The following ARRDC4 variants were observed in gnomAD, a reference collection of about 807,000 sequenced individuals.
ARRDC4 encodes arrestin domain containing 4.
Under a neutral mutation model 44.6 loss-of-function variants are expected in ARRDC4, and 40 were observed. The ratio of observed to expected loss-of-function variants is 0.90; its 90% CI spans 0.70 to 1.17. The LOEUF is 1.17. Among genes scored for constraint, ARRDC4 ranks in the 50% most tolerant of loss-of-function variants. The probability of loss-of-function intolerance (pLI) is 0.00; values close to 1 mark genes in which losing one functional copy is unlikely to be tolerated. For synonymous variants in ARRDC4, 211 were observed against 221.2 expected (o/e 0.95, Z 0.41); for missense variants, 550 against 559.1 (o/e 0.98, Z 0.16).
Position 97,969,191 on chromosome 15 carries a change from A to G in ARRDC4, c.694A>G (p.Ile232Val). ...SSRLIVPKAA[I>V]FQTQTYLASG... is the part of the protein sequence containing the mutation. ...TCGTCTGATTGTTCCAAAGGCTGCT[A>G]TTTTCCAAACGCAGACATATTTGGC... The change falls in exon 5 of 8, where the codon ATT becomes GTT. Residue 232 changes from isoleucine (I) to valine (V), a missense_variant. Physicochemically the swap from Ile to Val is conservative, Grantham distance 29. Transcript: ENST00000268042. The G allele has an allele frequency of 1.9e-6, 3 of 1,613,862 alleles. No individual in the cohort carries two copies. The highest frequency in any genetic ancestry group is 1.7e-6 in the Non-Finnish European group (2 of 1,179,860).
At position 97,971,328 on chromosome 15, in the gene ARRDC4, T is replaced by C. The variant is rs1455346178; in HGVS notation, c.*141T>C. ...ACTGAAGGCAATAGAAATTAAAGAA[T>C]GTGAGAAAGTTCTGGTGGGCCGGCA... On this transcript the variant is annotated 3_prime_UTR_variant, in exon 8 of 8. Transcript: ENST00000268042. 5.9e-6 allele frequency: 5 copies of C among 842,276 alleles called. No homozygotes were observed. The highest frequency in any genetic ancestry group is 5.0e-5 in the South Asian group (3 of 60,266). The allele number at this position is 842,276 out of a possible 1,614,324, so 52.2% of individuals were successfully genotyped here.
In ARRDC4 at chr15:97,972,441, A is replaced by G. The variant is rs1016929299; in HGVS notation, c.*1254A>G. On this transcript the variant is annotated 3_prime_UTR_variant, in exon 8 of 8. Coordinates refer to ENST00000268042, the MANE Select transcript of ARRDC4 (RefSeq NM_183376.3). This position sits in a 1 kb window ranked among gnomAD's most constrained non-coding sequence, Gnocchi z 5.3. ...TTGGTGCAATATTTTATTATCATTT[A>G]ACCTCAGGATATTCAGACCAACAGG... 1.3e-5 allele frequency: 2 copies of G among 152,578 alleles called. No homozygotes were observed. Among genetic ancestry groups the G allele is most frequent in the African/African-American group, 4.8e-5 (2 of 41,418 alleles). The allele number at this position is 152,578 out of a possible 1,614,324, so 9.5% of individuals were successfully genotyped here.
rs1899544066 is a variant in ARRDC4, at chr15:97,973,175, T to TA, written c.*1989dup. ...GCCAAGGCATTGTTCGACTCCATGA[T>TA]ACTAAAACATAATGAAAGAAACAAA... On this transcript the variant is annotated 3_prime_UTR_variant, in exon 8 of 8. Coordinates refer to ENST00000268042, the MANE Select transcript of ARRDC4 (RefSeq NM_183376.3). The TA allele has an allele frequency of 6.6e-6, 1 of 152,386 alleles. No homozygotes were observed. Among genetic ancestry groups the TA allele is most frequent in the Admixed American group, 6.5e-5 (1 of 15,286 alleles). 9.4% of individuals were successfully genotyped at this position (152,386 alleles called of 1,614,324 possible).
At position 97,971,192 on chromosome 15, in the gene ARRDC4, A is replaced by G; in HGVS notation, c.*5A>G. ...CCTGTTTCCTTCATTCTCTGAACGT[A>G]TTTCAGAAATCACTGTGTTCATCAT... On this transcript the variant is annotated 3_prime_UTR_variant, in exon 8 of 8. Transcript: ENST00000268042. 1.2e-6 allele frequency: 2 copies of G among 1,612,072 alleles called. No individual in the cohort carries two copies. Among genetic ancestry groups the G allele is most frequent in the Non-Finnish European group, 1.7e-6 (2 of 1,178,298 alleles).
In ARRDC4 at chr15:97,969,176, G is replaced by T; in HGVS notation, c.679G>T (p.Val227Phe). Reference protein sequence around the residue: ...EIENCSSRLIVPKAAIFQTQT... With the variant: ...EIENCSSRLIFPKAAIFQTQT... ...AGAAAATTGTTCCTCTCGTCTGATT[G>T]TTCCAAAGGCTGCTATTTTCCAAAC... Residue 227 changes from valine (V) to phenylalanine (F), a missense_variant, in exon 5 of 8, where the codon GTT becomes TTT. Coordinates refer to ENST00000268042, the MANE Select transcript of ARRDC4 (RefSeq NM_183376.3). The T allele has an allele frequency of 6.2e-7, 1 of 1,613,838 alleles. No homozygotes were observed. The highest frequency in any genetic ancestry group is 1.3e-5 in the African/African-American group (1 of 75,008).
intron 1 of ARRDC4, among the ~76,000 whole-genome samples, chr15:97,962,848 C>T (rs961134519): frequency 1.3e-5 from 2 of 152,164 alleles, no homozygotes; most frequent in African/African-American, 2.4e-5. Context: ...AATTTAATTA[C>T]AAAACCTGGC....
At position 97,967,294 on chromosome 15, in the gene ARRDC4, TAAAAA is replaced by T. The variant is rs139424082; in HGVS notation, c.523-714_523-710del. Among the ~76,000 whole-genome samples, 1 of 150,178 alleles carries T rather than the reference TAAAAA, an allele frequency of 6.7e-6. No homozygotes were observed. Among genetic ancestry groups the T allele is most frequent in the Non-Finnish European group, 1.5e-5 (1 of 67,384 alleles). On this transcript the variant is annotated intron_variant, in intron 3 of 7. Transcript: ENST00000268042. The surrounding 1 kb of genome is among the most constrained non-coding windows in gnomAD (Gnocchi z 5.0). ...GATCCCTTACGATTCTTTATATAAA[TAAAAA>T]AAAAATATTGCAAGTAACTGGGTTT...
Position 97,960,870 on chromosome 15 carries a change from G to C in ARRDC4, c.9G>C (p.Gly3=), listed in dbSNP as rs4965046. 0.77 allele frequency: 1,051,148 copies of C among 1,368,442 alleles called. 405,796 individuals carry two copies. The highest frequency in any genetic ancestry group is 0.92 in the East Asian group (29,454 of 32,078). The allele number at this position is 1,368,442 out of a possible 1,614,324, so 84.8% of individuals were successfully genotyped here. The change falls in exon 1 of 8, where the codon GGG becomes GGC. Residue 3 remains glycine, a synonymous_variant. Coordinates refer to ENST00000268042, the MANE Select transcript of ARRDC4 (RefSeq NM_183376.3). Reference sequence around the variant, plus strand: ...AAGAGTCGCCCGGCGGGATGGGCGGGGAGGCTGGGTGCGCGGCGGCCGTGG... The same window carrying C: ...AAGAGTCGCCCGGCGGGATGGGCGGCGAGGCTGGGTGCGCGGCGGCCGTGG... The part of the protein sequence containing the change: MG[G]EAGCAAAVGA...
chr15:97,966,188 C>T lies in ARRDC4; in HGVS notation c.522+146C>T. On this transcript the variant is annotated intron_variant, in intron 3 of 7. Coordinates refer to ENST00000268042, the MANE Select transcript of ARRDC4 (RefSeq NM_183376.3). This position sits in a 1 kb window ranked among gnomAD's most constrained non-coding sequence, Gnocchi z 4.7. ...GGCTTGGAAAACACAATCTTGTAAC[C>T]CAAAGGCATTCACTATAAATATATG... 1.1e-6 allele frequency: 1 copy of T among 908,572 alleles called. No individual in the cohort carries two copies. The highest frequency in any genetic ancestry group is 2.8e-5 in the Admixed American group (1 of 35,812). 56.3% of individuals were successfully genotyped at this position (908,572 alleles called of 1,614,324 possible).
chr15:97,969,397 T>C lies in ARRDC4; in HGVS notation c.882+18T>C. The C allele has an allele frequency of 6.3e-7, 1 of 1,597,726 alleles. No individual in the cohort carries two copies. Among genetic ancestry groups the C allele is most frequent in the Non-Finnish European group, 8.6e-7 (1 of 1,169,010 alleles). ...CCTTAGCTGTAAGCAAAGCTCTTTT[T>C]TAAAAAAAAATGTGTATGATGGACA... On this transcript the variant is annotated intron_variant, in intron 5 of 7. Coordinates refer to ENST00000268042, the MANE Select transcript of ARRDC4 (RefSeq NM_183376.3).
In ARRDC4 at chr15:97,966,250, A is replaced by G. The variant is rs546726215; in HGVS notation, c.522+208A>G. ...GACAAATTACAAATTGTGTGTGTTAATACTATTGATTATGTCCCTGCTGTT... is the reference window on the plus strand; with the variant it reads ...GACAAATTACAAATTGTGTGTGTTAGTACTATTGATTATGTCCCTGCTGTT... On this transcript the variant is annotated intron_variant, in intron 3 of 7. Coordinates refer to ENST00000268042, the MANE Select transcript of ARRDC4 (RefSeq NM_183376.3). This position sits in a 1 kb window ranked among gnomAD's most constrained non-coding sequence, Gnocchi z 4.7. 5.9e-5 allele frequency among the ~76,000 whole-genome samples: 9 copies of G among 152,306 alleles called. No homozygotes were observed. Among genetic ancestry groups the G allele is most frequent in the African/African-American group, 2.2e-4 (9 of 41,552 alleles).
intron 1 of ARRDC4, 51 bp downstream of exon 1, chr15:97,961,219 G>GA (rs1037647866): frequency 4.5e-6 from 6 of 1,343,630 alleles, no homozygotes; most frequent in Non-Finnish European, 5.7e-6. Flanking sequence ...CGGGGCCGGG[G>GA]AGGGGCTGGG....
In ARRDC4 at chr15:97,970,945, T is replaced by C. The variant is rs80061417; in HGVS notation, c.1201-186T>C. Reference sequence around the variant, plus strand: ...TGTCCTTGTGATCTATGGCATCAGATACAGTATTGTGGATTGCCTTTAAGG... The same window carrying C: ...TGTCCTTGTGATCTATGGCATCAGACACAGTATTGTGGATTGCCTTTAAGG... On this transcript the variant is annotated intron_variant, in intron 7 of 7. Transcript: ENST00000268042. This position sits in a 1 kb window ranked among gnomAD's most constrained non-coding sequence, Gnocchi z 4.2. 0.076 allele frequency among the ~76,000 whole-genome samples: 11,621 copies of C among 152,146 alleles called. 963 individuals carry two copies. Among genetic ancestry groups the C allele is most frequent in the African/African-American group, 0.21 (8,844 of 41,454 alleles).
Position 97,961,311 on chromosome 15 carries a change from G to A in ARRDC4, c.307+143G>A, listed in dbSNP as rs919678108. The A allele has an allele frequency of 2.6e-5, 20 of 764,834 alleles. No individual in the cohort carries two copies. The South Asian group carries it at 8.4e-4, about 32-fold the overall frequency. 47.4% of individuals were successfully genotyped at this position (764,834 alleles called of 1,614,324 possible). A position where few individuals can be genotyped will look rare whatever the true frequency, so the allele number is the denominator to read the frequency against. Reference sequence around the variant, plus strand: ...GGGTGGGGTCCGGCCTACCCTCGCGGGTAAGGAGAGACCGCAAGTCCTGGG... The same window carrying A: ...GGGTGGGGTCCGGCCTACCCTCGCGAGTAAGGAGAGACCGCAAGTCCTGGG... On this transcript the variant is annotated intron_variant, in intron 1 of 7. Coordinates refer to ENST00000268042, the MANE Select transcript of ARRDC4 (RefSeq NM_183376.3).
In ARRDC4 at chr15:97,973,431, A is replaced by G. The variant is rs1466585043; in HGVS notation, c.*2244A>G. 2.6e-5 allele frequency: 4 copies of G among 152,458 alleles called. No homozygotes were observed. Among genetic ancestry groups the G allele is most frequent in the Non-Finnish European group, 4.4e-5 (3 of 68,024 alleles). 9.4% of individuals were successfully genotyped at this position (152,458 alleles called of 1,614,324 possible). A position where few individuals can be genotyped will look rare whatever the true frequency, so the allele number is the denominator to read the frequency against. On this transcript the variant is annotated 3_prime_UTR_variant, in exon 8 of 8. Transcript: ENST00000268042. ...TCTGACTGTAAGCAGTAGGTTGAAG[A>G]TATCATTTTATGAATGTGGAGAATT...
chr15:97,962,937 G>C (rs993453709), intron 1 of ARRDC4, among the ~76,000 whole-genome samples: 9 of 152,192 alleles, frequency 5.9e-5, no homozygotes, highest in African/African-American at 1.9e-4. Flanking sequence ...ATGCTCTCCA[G>C]ATAATTCTTT....
chr15:97,963,632 C>T (rs1899363219), intron 1 of ARRDC4, among the ~76,000 whole-genome samples: 1 of 152,162 alleles, frequency 6.6e-6, no homozygotes, highest in Non-Finnish European at 1.5e-5. Flanking sequence ...ATGTCGGGCC[C>T]ACCCATGTTC....
Position 97,968,195 on chromosome 15 carries a change from T to A in ARRDC4, c.625+79T>A. The A allele has an allele frequency of 1.1e-6, 1 of 906,906 alleles. No individual in the cohort carries two copies. Among genetic ancestry groups the A allele is most frequent in the South Asian group, 2.1e-5 (1 of 47,232 alleles). The allele number at this position is 906,906 out of a possible 1,614,324, so 56.2% of individuals were successfully genotyped here. A position where few individuals can be genotyped will look rare whatever the true frequency, so the allele number is the denominator to read the frequency against. On this transcript the variant is annotated intron_variant, in intron 4 of 7. Transcript: ENST00000268042. This position sits in a 1 kb window ranked among gnomAD's most constrained non-coding sequence, Gnocchi z 5.4. ...AATTTTAAGTGATTTTAAATAGTGTTTTTTGTAATTATATGACGTGTATAG... is the reference window on the plus strand; with the variant it reads ...AATTTTAAGTGATTTTAAATAGTGTATTTTGTAATTATATGACGTGTATAG...
Position 97,969,856 on chromosome 15 carries a change from C to CTCTTTTTTTTT in ARRDC4, c.883-26_883-25insCTTTTTTTTTT, listed in dbSNP as rs754993418. On this transcript the variant is annotated intron_variant, in intron 5 of 7. Transcript: ENST00000268042. ...GTGTAGCTTACATTTGTTCCTTTCTCTTTTTTTTTTTTTTTTGGCTTATTA... is the reference window on the plus strand; with the variant it reads ...GTGTAGCTTACATTTGTTCCTTTCTCTCTTTTTTTTTTTTTTTTTTTTTTTTTGGCTTATTA... 8.9e-6 allele frequency: 12 copies of CTCTTTTTTTTT among 1,353,388 alleles called. No individual in the cohort carries two copies. The African/African-American group carries it at 1.7e-4, about 19-fold the overall frequency. The allele number at this position is 1,353,388 out of a possible 1,614,324, so 83.8% of individuals were successfully genotyped here.
Sources: gnomAD v4.1 joint callset for allele counts (sites outside exome capture counted in the v4.1 genomes callset) on GRCh38, gnomAD v4.1.1 for gene constraint, Gnocchi (gnomAD v3.1) non-coding constraint, MANE v1.5 for transcripts, NCBI Gene and HGNC (gene_info 2026-07-23, HGNC 2026-07-21) for gene names.